Variants in MTUS2 observed in about 807,000 individuals in gnomAD.
The protein encoded by MTUS2 is microtubule associated scaffold protein 2.
MTUS2 carries 40 observed loss-of-function variants against 114.1 expected under a neutral mutation model. That is an observed-to-expected ratio of 0.35 (90% CI 0.27 to 0.46). The LOEUF (loss-of-function observed/expected upper bound fraction) is 0.46. MTUS2 is among the 20% of genes least tolerant of loss of function. The pLI, the probability that MTUS2 is intolerant of heterozygous loss-of-function variation, is 1.00. For synonymous variants in MTUS2, 688 were observed against 672.0 expected (o/e 1.02, Z -0.37); for missense variants, 1,679 against 1,705.4 (o/e 0.98, Z 0.27).
chr13:29,002,672 C>G (rs571828304), intron 2 of MTUS2, among the ~76,000 whole-genome samples: 2 of 152,258 alleles, frequency 1.3e-5, no homozygotes, highest in Admixed American at 6.5e-5. Context: ...GTTAATCCCT[C>G]CATTAGATCG....
At chr13:28,888,718 G>A (rs537957597) in intron 2 of MTUS2, among the ~76,000 whole-genome samples, 4 of 151,936 alleles carry the variant, frequency 2.6e-5, no homozygotes, top group South Asian at 2.1e-4. Flanking sequence ...CACCGCGCTC[G>A]GCTCCTCTTG....
At chr13:29,440,839 C>T (rs1877786303) in intron 9 of MTUS2, among the ~76,000 whole-genome samples, 1 of 152,082 alleles carries the variant, frequency 6.6e-6, no homozygotes, top group Admixed American at 6.6e-5. Flanking sequence ...TGGAGCAATC[C>T]CAGGTGTCCT....
At chr13:28,943,939 C>T (rs1394276999) in intron 2 of MTUS2, among the ~76,000 whole-genome samples, 3 of 152,086 alleles carry the variant, frequency 2.0e-5, no homozygotes, top group African/African-American at 7.2e-5. Flanking sequence ...ATTTACTTAA[C>T]AAAAATAAAA....
At chr13:29,273,999 T>G (rs569952663) in intron 5 of MTUS2, among the ~76,000 whole-genome samples, 4 of 152,344 alleles carry the variant, frequency 2.6e-5, no homozygotes, top group Admixed American at 1.3e-4. Context: ...GTACAAGCTT[T>G]TATGTGAACA....
intron 9 of MTUS2, among the ~76,000 whole-genome samples, chr13:29,479,605 T>A (rs1000673423): frequency 1.3e-5 from 2 of 152,196 alleles, no homozygotes; most frequent in East Asian, 3.9e-4. Flanking sequence ...TCATCCTGTT[T>A]GGCATTTTAG....
chr13:29,099,717 G>A (rs1890329372), intron 4 of MTUS2, among the ~76,000 whole-genome samples: 1 of 152,176 alleles, frequency 6.6e-6, no homozygotes. Context: ...ATGCCTGCTG[G>A]TGAACGTTGT....
At chr13:29,182,013 T>G (rs1015820083) in intron 5 of MTUS2, among the ~76,000 whole-genome samples, 38 of 152,200 alleles carry the variant, frequency 2.5e-4, no homozygotes, top group African/African-American at 9.2e-4. Flanking sequence ...TCAGCCTCCT[T>G]TTGCCCCTGC....
intron 5 of MTUS2, among the ~76,000 whole-genome samples, chr13:29,182,212 T>C (rs1894035641): frequency 6.6e-6 from 1 of 152,198 alleles, no homozygotes; most frequent in Admixed American, 6.5e-5. Context: ...TTCTCTCTCT[T>C]TCTCACACCC....
At chr13:29,150,281 G>T (rs1435794589) in intron 5 of MTUS2, among the ~76,000 whole-genome samples, 1 of 152,074 alleles carries the variant, frequency 6.6e-6, no homozygotes, top group Non-Finnish European at 1.5e-5. Context: ...TGTAGCAATT[G>T]TGAGTGGGAG....
chr13:29,478,058 A>G (rs1269045112), intron 9 of MTUS2, among the ~76,000 whole-genome samples: 2 of 152,252 alleles, frequency 1.3e-5, no homozygotes, highest in Non-Finnish European at 2.9e-5. Flanking sequence ...CACTAAATTC[A>G]GAAACATTCT....
chr13:29,426,393 T>C (rs1876528986), intron 8 of MTUS2, among the ~76,000 whole-genome samples: 1 of 152,218 alleles, frequency 6.6e-6, no homozygotes, highest in African/African-American at 2.4e-5. Flanking sequence ...TCTGAATGTG[T>C]TACGCCATCG....
At chr13:28,828,328 T>C (rs1459059353) in intron 1 of MTUS2, among the ~76,000 whole-genome samples, 1 of 152,218 alleles carries the variant, frequency 6.6e-6, no homozygotes, top group African/African-American at 2.4e-5. Flanking sequence ...AGATTTCATA[T>C]TGTTTAAACA....
intron 2 of MTUS2, among the ~76,000 whole-genome samples, chr13:28,893,012 G>T (rs1453572749): frequency 6.6e-6 from 1 of 152,202 alleles, no homozygotes; most frequent in Admixed American, 6.5e-5. Context: ...AACAGCAGAA[G>T]CAAATGTCTG....
intron 5 of MTUS2, among the ~76,000 whole-genome samples, chr13:29,111,807 G>A (rs1026465463): frequency 3.9e-5 from 6 of 152,144 alleles, no homozygotes; most frequent in African/African-American, 1.4e-4. Flanking sequence ...TAATTTATAT[G>A]GTTATGTCAG....
intron 5 of MTUS2, among the ~76,000 whole-genome samples, chr13:29,164,102 G>A (rs183347896): frequency 1.3e-5 from 2 of 152,282 alleles, no homozygotes; most frequent in East Asian, 1.9e-4. Flanking sequence ...TTGTTGTGCG[G>A]TATTTCCCCT....
At chr13:29,029,099 T>C (rs541559302) in intron 3 of MTUS2, among the ~76,000 whole-genome samples, 1 of 152,242 alleles carries the variant, frequency 6.6e-6, no homozygotes, top group Non-Finnish European at 1.5e-5. Context: ...CTGTGCTGCC[T>C]TGCCGCAGGT....
intron 5 of MTUS2, among the ~76,000 whole-genome samples, chr13:29,120,457 TATATA>T (rs1891262547): frequency 6.6e-6 from 1 of 152,058 alleles, no homozygotes; most frequent in Non-Finnish European, 1.5e-5. Context: ...TATATTAAAA[TATATA>T]ATAAAAGATA....
At chr13:29,499,773 C>T (rs1182166525) in intron 14 of MTUS2, among the ~76,000 whole-genome samples, 3 of 152,270 alleles carry the variant, frequency 2.0e-5, no homozygotes, top group Non-Finnish European at 4.4e-5. Flanking sequence ...TCTAGGGCCA[C>T]CCATTGCATT....
At chr13:29,129,398 A>G (rs960232100) in intron 5 of MTUS2, among the ~76,000 whole-genome samples, 9 of 152,088 alleles carry the variant, frequency 5.9e-5, no homozygotes, top group African/African-American at 2.2e-4. Context: ...CGAAGGTTGG[A>G]TTCCCTGTGC....
Sources: gnomAD v4.1 joint callset for allele counts (sites outside exome capture counted in the v4.1 genomes callset) on GRCh38, gnomAD v4.1.1 for gene constraint, MANE v1.5 for transcripts, NCBI Gene and HGNC (gene_info 2026-07-23, HGNC 2026-07-21) for gene names.